Variants in SPINK4 observed in about 807,000 individuals in gnomAD.
SPINK4 encodes the protein serine protease inhibitor Kazal-type 4.
SPINK4 carries 10 observed loss-of-function variants against 12.3 expected under a neutral mutation model. That is an observed-to-expected ratio of 0.81 (90% CI 0.50 to 1.37). The LOEUF (loss-of-function observed/expected upper bound fraction) is 1.37. Among genes scored for constraint, SPINK4 ranks in the 40% most tolerant of loss-of-function variants. The pLI is 0.00. For synonymous variants in SPINK4, 37 were observed against 40.2 expected, an observed-to-expected ratio of 0.92 and a Z score of 0.30; for missense variants, 91 against 109.0, an observed-to-expected ratio of 0.84 and a Z score of 0.73.
Position 33,246,710 on chromosome 9 carries a change from A to G in SPINK4, c.197A>G (p.Gln66Arg). The G allele has an allele frequency of 6.2e-7, 1 of 1,614,002 alleles. No individual in the cohort carries two copies. The highest frequency in any genetic ancestry group is 8.5e-7 in the Non-Finnish European group (1 of 1,179,988). The part of the protein sequence containing the change: ...TDGLTYTNEC[Q>R]LCLARIKTKQ... ...GGGCTCACATATACGAATGAATGCC[A>G]GCTCTGCTTGGCCCGGATGTAAGTC... Residue 66 changes from glutamine (Q) to arginine (R), a missense_variant, in exon 3 of 4, where the codon CAG (glutamine) becomes CGG (arginine). Physicochemically the swap from Gln to Arg is conservative, Grantham distance 43. Coordinates refer to ENST00000379721, the MANE Select transcript of SPINK4 (RefSeq NM_014471.3).
intron 1 of SPINK4, among the ~76,000 whole-genome samples, chr9:33,242,453 T>C (rs984005021): frequency 1.3e-5 from 2 of 151,612 alleles, no homozygotes; most frequent in Non-Finnish European, 2.9e-5. Context: ...GGACATGGCA[T>C]GAGCCAAAGC....
chr9:33,247,527 GA>G (rs1462179834), intron 3 of SPINK4, among the ~76,000 whole-genome samples: 1 of 151,980 alleles, frequency 6.6e-6, no homozygotes. Flanking sequence ...AATTAGCTAG[GA>G]AAAAGGAGCA....
intron 2 of SPINK4, among the ~76,000 whole-genome samples, 192 bp downstream of exon 2, chr9:33,245,344 C>A (rs578104564): frequency 6.6e-6 from 1 of 152,308 alleles, no homozygotes; most frequent in East Asian, 1.9e-4. Context: ...AGCCCCCTCA[C>A]CCAAGTCCCA....
At chr9:33,248,237 G>A (rs1820305385) in intron 3 of SPINK4, 189 bp from the exon 4 acceptor site, 5 of 597,636 alleles carry the variant, frequency 8.4e-6, no homozygotes, top group Non-Finnish European at 1.5e-5. Flanking sequence ...ATCCCCCAGG[G>A]GAAGGGTGTA....
At chr9:33,248,189 T>A in intron 3 of SPINK4, 1 of 550,190 alleles carries the variant, frequency 1.8e-6, no homozygotes, top group Non-Finnish European at 3.2e-6. Context: ...TTGGCAGCCA[T>A]CAGCGTGCGC....
intron 3 of SPINK4, among the ~76,000 whole-genome samples, chr9:33,247,008 C>A (rs907264893): frequency 2.6e-5 from 4 of 152,010 alleles, no homozygotes; most frequent in African/African-American, 4.8e-5. Context: ...TTTTTTCATT[C>A]GTCTAGCCAG....
intron 1 of SPINK4, among the ~76,000 whole-genome samples, chr9:33,243,716 A>T (rs576652213): frequency 3.5e-4 from 54 of 152,174 alleles, no homozygotes; most frequent in African/African-American, 1.3e-3. Context: ...TTTGACATGG[A>T]AGGGTTTTAA....
intron 2 of SPINK4, 84 bp from the exon 3 acceptor site, chr9:33,246,531 GC>G: frequency 8.3e-7 from 1 of 1,200,532 alleles, no homozygotes. Flanking sequence ...CCTCACTGGG[GC>G]CCCACTGGTT....
At chr9:33,240,669 C>T (rs957610336) in intron 1 of SPINK4, among the ~76,000 whole-genome samples, 5 of 152,104 alleles carry the variant, frequency 3.3e-5, no homozygotes, top group African/African-American at 7.2e-5. Context: ...GAGACCTGGC[C>T]GAGGTCTTCT....
chr9:33,242,872 G>A (rs1820251029), intron 1 of SPINK4, among the ~76,000 whole-genome samples: 2 of 130,112 alleles, frequency 1.5e-5, no homozygotes, highest in South Asian at 4.7e-4. Context: ...CCAGTGCTCT[G>A]ACACTTTTTT....
chr9:33,243,023 G>A (rs915366079), intron 1 of SPINK4, among the ~76,000 whole-genome samples: 15 of 151,792 alleles, frequency 9.9e-5, no homozygotes, highest in African/African-American at 3.1e-4. Flanking sequence ...CTACAGGTGC[G>A]TGCCACCACA....
intron 1 of SPINK4, among the ~76,000 whole-genome samples, chr9:33,241,945 T>C (rs1160126646): frequency 6.6e-6 from 1 of 152,100 alleles, no homozygotes. Context: ...AGTGGCACGA[T>C]CTTGGCTCAC....
At position 33,247,160 on chromosome 9, in the gene SPINK4, A is replaced by ATTT. The variant is rs34574251; in HGVS notation, c.215+448_215+450dup. ...GATAGTCAGCCAATTGCAGCACAGA[A>ATTT]TTTTTTTTTTTTTTTTTTGAGACAG... On this transcript the variant is annotated intron_variant, in intron 3 of 3. Transcript: ENST00000379721. Among the ~76,000 whole-genome samples, 873 of 135,968 alleles carry ATTT rather than the reference A, an allele frequency of 6.4e-3. 16 individuals carry two copies. Among genetic ancestry groups the ATTT allele is most frequent in the South Asian group, 0.014 (58 of 4,230 alleles). 89.2% of individuals were successfully genotyped at this position (135,968 alleles called of 152,430 possible). A position where few individuals can be genotyped will look rare whatever the true frequency, so the allele number is the denominator to read the frequency against.
chr9:33,241,122 G>GAAA (rs112118620), intron 1 of SPINK4, among the ~76,000 whole-genome samples: 3 of 151,604 alleles, frequency 2.0e-5, no homozygotes, highest in Admixed American at 6.6e-5. Flanking sequence ...GGATATCTGG[G>GAAA]AGAAGATTCC....
chr9:33,245,062 C>T (rs763141798), intron 1 of SPINK4, 50 bp from the exon 2 acceptor site: 20 of 1,598,270 alleles, frequency 1.3e-5, no homozygotes, highest in African/African-American at 1.3e-5. Context: ...GACCCCTAGA[C>T]CTGGGGTCTA....
intron 2 of SPINK4, 124 bp from the exon 3 acceptor site, chr9:33,246,492 C>T: frequency 4.1e-6 from 3 of 733,582 alleles, no homozygotes; most frequent in South Asian, 3.2e-5. Flanking sequence ...TTCACTGGAC[C>T]CACACTGGGG....
At chr9:33,247,006 T>C (rs1820292900) in intron 3 of SPINK4, among the ~76,000 whole-genome samples, 1 of 152,132 alleles carries the variant, frequency 6.6e-6, no homozygotes, top group Admixed American at 6.6e-5. Context: ...TGTTTTTTCA[T>C]TCGTCTAGCC....
chr9:33,248,126 G>A lies in SPINK4; in HGVS notation c.216-300G>A, dbSNP rs75897131. On this transcript the variant is annotated intron_variant, in intron 3 of 3. Coordinates refer to ENST00000379721, the MANE Select transcript of SPINK4 (RefSeq NM_014471.3). ...GTTGAGCCCCTAGGACATCCCACTG[G>A]ATATGGACAACTGCATGAACAGGTA... 6.2e-3 allele frequency: 2,470 copies of A among 400,800 alleles called. 28 individuals are homozygous for A. The highest frequency in any genetic ancestry group is 0.025 in the Admixed American group (637 of 25,144). 24.8% of individuals were successfully genotyped at this position (400,800 alleles called of 1,614,324 possible).
intron 3 of SPINK4, among the ~76,000 whole-genome samples, chr9:33,247,206 T>C (rs1820295744): frequency 6.8e-6 from 1 of 147,786 alleles, no homozygotes; most frequent in African/African-American, 2.5e-5. Flanking sequence ...TCACTCAGGC[T>C]GGAGTGCAGT....
Sources: gnomAD v4.1 joint callset for allele counts (sites outside exome capture counted in the v4.1 genomes callset) on GRCh38, gnomAD v4.1.1 for gene constraint, MANE v1.5 for transcripts, NCBI Gene and HGNC (gene_info 2026-07-23, HGNC 2026-07-21) for gene names.